KLHL1: variants seen among roughly 807,000 people sequenced by gnomAD.
KLHL1 encodes the protein kelch like family member 1, also known as kelch-like protein 1.
KLHL1 carries 47 observed loss-of-function variants against 77.7 expected under a neutral mutation model. That is an observed-to-expected ratio of 0.60 (90% CI 0.48 to 0.77). The LOEUF (loss-of-function observed/expected upper bound fraction) is 0.77. Ranked by LOEUF, KLHL1 falls within the 30% of genes least tolerant of loss-of-function variation. The pLI, the probability that KLHL1 is intolerant of heterozygous loss-of-function variation, is 0.00. For missense variants in KLHL1, 925 were observed against 910.8 expected (o/e 1.02, Z -0.20); for synonymous variants, 360 against 325.2 (o/e 1.11, Z -1.15).
At chr13:69,993,450 C>T (rs1885075265) in intron 1 of KLHL1, among the ~76,000 whole-genome samples, 1 of 152,026 alleles carries the variant, frequency 6.6e-6, no homozygotes. Context: ...GCTGGTCACT[C>T]CTGGATTCTT....
intron 2 of KLHL1, among the ~76,000 whole-genome samples, chr13:69,968,805 A>T (rs1884296641): frequency 6.6e-6 from 1 of 152,062 alleles, no homozygotes; most frequent in Non-Finnish European, 1.5e-5. Context: ...CATTTTCTTA[A>T]TCGAGCCTAT....
intron 5 of KLHL1, among the ~76,000 whole-genome samples, chr13:69,851,378 G>C (rs1020510054): frequency 6.6e-6 from 1 of 151,706 alleles, no homozygotes; most frequent in African/African-American, 2.4e-5. Context: ...CAAACTCACT[G>C]AGGAGCCTGA....
chr13:69,705,387 C>G (rs1221812312), intron 10 of KLHL1, among the ~76,000 whole-genome samples: 2 of 151,642 alleles, frequency 1.3e-5, no homozygotes, highest in African/African-American at 4.8e-5. Flanking sequence ...ATTTCCAACT[C>G]AAGCTAAACT....
chr13:69,838,750 A>G (rs990368898), intron 6 of KLHL1, among the ~76,000 whole-genome samples: 1 of 151,896 alleles, frequency 6.6e-6, no homozygotes, highest in Non-Finnish European at 1.5e-5. Context: ...TTTTTATTTT[A>G]TATGAACTCT....
chr13:69,920,244 G>A (rs1181692449), intron 4 of KLHL1, among the ~76,000 whole-genome samples: 1 of 151,974 alleles, frequency 6.6e-6, no homozygotes, highest in Non-Finnish European at 1.5e-5. Context: ...ATACATGTGA[G>A]ATTGTCAGTT....
chr13:70,076,856 G>T (rs1160831968), intron 1 of KLHL1, among the ~76,000 whole-genome samples: 3 of 151,874 alleles, frequency 2.0e-5, no homozygotes, highest in Admixed American at 1.3e-4. Context: ...AGCAAGTAGG[G>T]TATACACATA....
chr13:70,008,067 G>C lies in KLHL1; in HGVS notation c.498-32265C>G, dbSNP rs1056001057. On this transcript the variant is annotated intron_variant, in intron 1 of 10. Transcript: ENST00000377844. Reference sequence around the variant, plus strand: ...TTGGCTCTTACTATTTGGTTTTCTGGAGTATCACAGTATACACTTTTTACA... The same window carrying C: ...TTGGCTCTTACTATTTGGTTTTCTGCAGTATCACAGTATACACTTTTTACA... Among the ~76,000 whole-genome samples the C allele has an allele frequency of 3.3e-5, 5 of 151,968 alleles. No homozygotes were observed. In the East Asian group the frequency reaches 7.7e-4, roughly 23 times the overall value.
In KLHL1 at chr13:69,828,884, A is replaced by C. The variant is rs1042879352; in HGVS notation, c.1414+10092T>G. Among the ~76,000 whole-genome samples, 2 of 149,968 alleles carry C rather than the reference A, an allele frequency of 1.3e-5. 1 individual carries two copies. The highest frequency in any genetic ancestry group is 5.0e-5 in the African/African-American group (2 of 39,932). On this transcript the variant is annotated intron_variant, in intron 6 of 10. Coordinates refer to ENST00000377844, the MANE Select transcript of KLHL1 (RefSeq NM_020866.3). ...CCAGAGAACCACACCTCCATCCCCCACAGTGGCCACAGCAAGCCCTGCCCA... is the reference window on the plus strand; with the variant it reads ...CCAGAGAACCACACCTCCATCCCCCCCAGTGGCCACAGCAAGCCCTGCCCA...
intron 1 of KLHL1, among the ~76,000 whole-genome samples, chr13:69,994,946 A>G (rs1444733458): frequency 1.3e-5 from 2 of 152,132 alleles, no homozygotes; most frequent in Admixed American, 6.6e-5. Context: ...TAAGCAAACT[A>G]TAGACTCTGA....
chr13:69,956,744 T>C lies in KLHL1; in HGVS notation c.817+4564A>G, dbSNP rs1022928302. Among the ~76,000 whole-genome samples the C allele has an allele frequency of 6.6e-5, 10 of 151,766 alleles. No individual in the cohort carries two copies. The Admixed American group carries it at 6.6e-4, about 10-fold the overall frequency. ...AAGAAATTTAGAGGCTTTGAATATA[T>C]AACTGTGTCCTCATATTAATTTAAA... On this transcript the variant is annotated intron_variant, in intron 3 of 10. Coordinates refer to ENST00000377844, the MANE Select transcript of KLHL1 (RefSeq NM_020866.3).
At chr13:69,956,036 TTA>T (rs1215407988) in intron 3 of KLHL1, among the ~76,000 whole-genome samples, 1 of 122,242 alleles carries the variant, frequency 8.2e-6, no homozygotes, top group East Asian at 2.0e-4. Flanking sequence ...TTATATATAT[TTA>T]TATATATTTG....
At chr13:69,766,483 C>T (rs1566228316) in intron 7 of KLHL1, among the ~76,000 whole-genome samples, 1 of 147,628 alleles carries the variant, frequency 6.8e-6, no homozygotes, top group African/African-American at 2.5e-5. Flanking sequence ...TATATATATA[C>T]ATATATATAT....
At chr13:69,860,884 T>A (rs561029172) in intron 5 of KLHL1, among the ~76,000 whole-genome samples, 110 of 152,028 alleles carry the variant, frequency 7.2e-4, no homozygotes, top group African/African-American at 2.4e-3. Context: ...GAATTCTTAC[T>A]AATAAAAACA....
At chr13:69,714,308 A>C (rs1451579597) in intron 9 of KLHL1, among the ~76,000 whole-genome samples, 2 of 152,172 alleles carry the variant, frequency 1.3e-5, no homozygotes, top group Non-Finnish European at 2.9e-5. Context: ...TTGACAGAAC[A>C]AAAAGAAAAC....
chr13:69,715,324 G>A (rs1480876993), intron 9 of KLHL1, among the ~76,000 whole-genome samples: 1 of 152,086 alleles, frequency 6.6e-6, no homozygotes, highest in African/African-American at 2.4e-5. Context: ...TCTTGTGACA[G>A]TGAGTGAGTT....
chr13:69,893,033 C>A (rs1881484715), intron 4 of KLHL1, among the ~76,000 whole-genome samples: 1 of 151,998 alleles, frequency 6.6e-6, no homozygotes, highest in South Asian at 2.1e-4. Flanking sequence ...ACTATATATT[C>A]TTATATTAAC....
At chr13:69,941,494 A>G (rs1883365101) in intron 3 of KLHL1, among the ~76,000 whole-genome samples, 1 of 152,078 alleles carries the variant, frequency 6.6e-6, no homozygotes, top group Non-Finnish European at 1.5e-5. Flanking sequence ...ATAAATGCCT[A>G]TATCAAAAAG....
intron 1 of KLHL1, among the ~76,000 whole-genome samples, chr13:70,032,500 C>A (rs1469807400): frequency 3.3e-5 from 5 of 152,118 alleles, no homozygotes; most frequent in African/African-American, 1.2e-4. Flanking sequence ...TAATACCATA[C>A]AATGTCTGTA....
intron 1 of KLHL1, among the ~76,000 whole-genome samples, chr13:70,064,247 T>A (rs1261764856): frequency 6.6e-6 from 1 of 152,074 alleles, no homozygotes; most frequent in Non-Finnish European, 1.5e-5. Flanking sequence ...TAAAACACCA[T>A]TTGCCCTCAG....
Sources: gnomAD v4.1 joint callset for allele counts (sites outside exome capture counted in the v4.1 genomes callset) on GRCh38, gnomAD v4.1.1 for gene constraint, MANE v1.5 for transcripts, NCBI Gene and HGNC (gene_info 2026-07-23, HGNC 2026-07-21) for gene names.